The following ADD1 variants were observed in gnomAD, a reference collection of about 807,000 sequenced individuals.
ADD1 encodes the protein alpha-adducin.
A neutral mutation model predicts 80.5 loss-of-function variants in ADD1; 24 were observed. That is an observed-to-expected ratio of 0.30 (90% CI 0.22 to 0.42). The LOEUF is 0.42. Among genes scored for constraint, ADD1 ranks in the 10% least tolerant of loss-of-function variants. The pLI is 1.00. For synonymous variants in ADD1, 373 were observed against 393.8 expected (o/e 0.95, Z 0.63); for missense variants, 948 against 1,019.0 (o/e 0.93, Z 0.95).
At chr4:2,850,602 T>A (rs532334924) in intron 1 of ADD1, among the ~76,000 whole-genome samples, 2 of 152,344 alleles carry the variant, frequency 1.3e-5, no homozygotes, top group East Asian at 3.9e-4. Context: ...ATTTTTTGTA[T>A]TTTTAGTAGA....
At chr4:2,870,027 C>T (rs965026147) in intron 1 of ADD1, among the ~76,000 whole-genome samples, 1 of 152,182 alleles carries the variant, frequency 6.6e-6, no homozygotes, top group African/African-American at 2.4e-5. Context: ...TTTAATGGCT[C>T]TCTTCTTCCT....
At chr4:2,879,325 T>G (rs1335269504) in intron 2 of ADD1, among the ~76,000 whole-genome samples, 2 of 152,192 alleles carry the variant, frequency 1.3e-5, no homozygotes, top group African/African-American at 4.8e-5. Flanking sequence ...GCTCCTGTAC[T>G]GTGGTTTTCT....
intron 14 of ADD1, among the ~76,000 whole-genome samples, chr4:2,920,816 G>T (rs1398897897): frequency 4.6e-5 from 7 of 151,984 alleles, no homozygotes; most frequent in African/African-American, 1.7e-4. Context: ...CTTTTAATTG[G>T]GGCATTTTGC....
intron 1 of ADD1, among the ~76,000 whole-genome samples, chr4:2,856,477 A>G (rs1728079089): frequency 6.6e-6 from 1 of 150,458 alleles, no homozygotes; most frequent in Non-Finnish European, 1.5e-5. Flanking sequence ...TGGTTTTTGT[A>G]GATTCATGTC....
chr4:2,863,062 T>A (rs1385364178), intron 1 of ADD1, among the ~76,000 whole-genome samples: 4 of 152,144 alleles, frequency 2.6e-5, no homozygotes, highest in Middle Eastern at 3.4e-3. Flanking sequence ...CCTATTGAAT[T>A]TTTTTGAGAC....
intron 5 of ADD1, 21 bp from the exon 6 acceptor site, chr4:2,894,561 T>TTTTTA (rs1239550363): frequency 6.4e-7 from 1 of 1,565,306 alleles, no homozygotes; most frequent in Non-Finnish European, 8.6e-7. Flanking sequence ...GTATTTTACA[T>TTTTTA]TTTTATTTTT....
intron 1 of ADD1, among the ~76,000 whole-genome samples, chr4:2,849,849 G>C (rs944120593): frequency 1.6e-4 from 24 of 152,170 alleles, no homozygotes; most frequent in African/African-American, 5.6e-4. Flanking sequence ...GTTTGCTGAG[G>C]GTAGTTGAGT....
chr4:2,899,114 T>C, intron 8 of ADD1, 145 bp from the exon 9 acceptor site: 1 of 805,280 alleles, frequency 1.2e-6, no homozygotes, highest in Non-Finnish European at 1.9e-6. Flanking sequence ...AACTTTGTGA[T>C]CAGTCTGTCA....
intron 13 of ADD1, among the ~76,000 whole-genome samples, chr4:2,911,668 C>G (rs1487618232): frequency 6.6e-6 from 1 of 151,996 alleles, no homozygotes; most frequent in African/African-American, 2.4e-5. Context: ...GTTGCCCAGG[C>G]TGGTCTCAAA....
At chr4:2,873,631 A>G (rs945945629) in intron 1 of ADD1, among the ~76,000 whole-genome samples, 1 of 152,224 alleles carries the variant, frequency 6.6e-6, no homozygotes, top group East Asian at 1.9e-4. Context: ...AAATAGCTAT[A>G]GTTACCTCTA....
chr4:2,848,228 T>A (rs868600166), intron 1 of ADD1, among the ~76,000 whole-genome samples: 6 of 148,584 alleles, frequency 4.0e-5, no homozygotes, highest in Middle Eastern at 3.4e-3. Flanking sequence ...AAAAAAAAAA[T>A]AGGAATCTTA....
At chr4:2,914,222 C>T (rs947422890) in intron 13 of ADD1, among the ~76,000 whole-genome samples, 1 of 152,230 alleles carries the variant, frequency 6.6e-6, no homozygotes, top group Non-Finnish European at 1.5e-5. Context: ...CCTGCAGGCT[C>T]CACCTCCTGC....
At chr4:2,922,870 C>T (rs374870134) in intron 14 of ADD1, among the ~76,000 whole-genome samples, 1 of 152,374 alleles carries the variant, frequency 6.6e-6, no homozygotes, top group South Asian at 2.1e-4. Flanking sequence ...AGTCTGGCTA[C>T]AGTGGCTTTG....
At chr4:2,875,686 C>G (rs1313059401) in intron 1 of ADD1, among the ~76,000 whole-genome samples, 2 of 152,130 alleles carry the variant, frequency 1.3e-5, no homozygotes, top group Non-Finnish European at 2.9e-5. Flanking sequence ...TAGGACAAAA[C>G]ACAGCATTGG....
Position 2,929,230 on chromosome 4 carries a change from G to A in ADD1, c.*707G>A, listed in dbSNP as rs939643366. The A allele has an allele frequency of 1.3e-5, 2 of 152,176 alleles. No homozygotes were observed. Among genetic ancestry groups the A allele is most frequent in the Non-Finnish European group, 2.9e-5 (2 of 68,032 alleles). The allele number at this position is 152,176 out of a possible 1,614,324, so 9.4% of individuals were successfully genotyped here. A position where few individuals can be genotyped will look rare whatever the true frequency, so the allele number is the denominator to read the frequency against. On this transcript the variant is annotated 3_prime_UTR_variant, in exon 16 of 16. Transcript: ENST00000683351. ...GTCATAGGGAAGGTATATCAGGAGG[G>A]GAAGAGGCCTTTCTAGAATTTTCTT... is the stretch of plus-strand genomic sequence containing the variant.
intron 1 of ADD1, among the ~76,000 whole-genome samples, chr4:2,868,849 T>C (rs1350548669): frequency 6.6e-6 from 1 of 152,164 alleles, no homozygotes; most frequent in Non-Finnish European, 1.5e-5. Flanking sequence ...GTGGGGAACC[T>C]TCATAGAGCG....
intron 13 of ADD1, among the ~76,000 whole-genome samples, chr4:2,914,427 C>G (rs1738628202): frequency 6.6e-6 from 1 of 152,208 alleles, no homozygotes; most frequent in Non-Finnish European, 1.5e-5. Context: ...ACAGAACTTA[C>G]CTGTGCTCTT....
chr4:2,927,741 T>C (rs572733118), intron 15 of ADD1, among the ~76,000 whole-genome samples: 1 of 152,228 alleles, frequency 6.6e-6, no homozygotes, highest in African/African-American at 2.4e-5. Context: ...CTGGCTGTTT[T>C]GGGGGAGACC....
Position 2,909,343 on chromosome 4 carries a change from C to T in ADD1, c.1703C>T (p.Ala568Val). The T allele has an allele frequency of 6.5e-7, 1 of 1,550,080 alleles. No individual in the cohort carries two copies. Among genetic ancestry groups the T allele is most frequent in the Non-Finnish European group, 8.7e-7 (1 of 1,146,518 alleles). Residue 568 changes from alanine (A) to valine (V), a missense_variant, in exon 13 of 16, where the codon GCA (alanine) becomes GTA (valine). Ala to Val is a moderately conservative substitution (Grantham distance 64). Coordinates refer to ENST00000683351, the MANE Select transcript of ADD1 (RefSeq NM_001354761.2). The stretch of plus-strand genomic sequence containing the variant: ...TGACTCAGTTTACTGTTTCAGGATG[C>T]ACCTCTCTCTGACTGTACGGAAACT... ...VVMDRSLVQD[A>V]PLSDCTETIE...
Sources: gnomAD v4.1 joint callset for allele counts (sites outside exome capture counted in the v4.1 genomes callset) on GRCh38, gnomAD v4.1.1 for gene constraint, MANE v1.5 for transcripts, NCBI Gene and HGNC (gene_info 2026-07-23, HGNC 2026-07-21) for gene names.